The following SLC25A28 variants were observed in gnomAD, a reference collection of about 807,000 sequenced individuals.
The protein encoded by SLC25A28 is solute carrier family 25 member 28, also known as mitoferrin-2.
A neutral mutation model predicts 31.9 loss-of-function variants in SLC25A28; 10 were observed. The ratio of observed to expected loss-of-function variants is 0.31; its 90% CI spans 0.19 to 0.53. The LOEUF (loss-of-function observed/expected upper bound fraction) is 0.53. Among genes scored for constraint, SLC25A28 ranks in the 20% least tolerant of loss-of-function variants. The probability of loss-of-function intolerance (pLI) is 0.95; values close to 1 mark genes in which losing one functional copy is unlikely to be tolerated. For missense variants in SLC25A28, 256 were observed against 490.3 expected, an observed-to-expected ratio of 0.52 and a Z score of 4.51; for synonymous variants, 208 against 203.6, an observed-to-expected ratio of 1.02 and a Z score of -0.19.
chr10:99,646,413 G>A, the SLC25A28 span, among the ~76,000 whole-genome samples: 12 of 152,340 alleles, frequency 7.9e-5, no homozygotes, highest in East Asian at 5.8e-4. Context: ...TTGGAAAAGC[G>A]CAGTATTAGG....
the SLC25A28 span, among the ~76,000 whole-genome samples, chr10:99,643,771 G>A: frequency 6.6e-6 from 1 of 152,076 alleles, no homozygotes; most frequent in Non-Finnish European, 1.5e-5. Flanking sequence ...TTGTGTCTTT[G>A]TTCTCATTGG....
At chr10:99,644,236 G>C in the SLC25A28 span, among the ~76,000 whole-genome samples, 1 of 152,176 alleles carries the variant, frequency 6.6e-6, no homozygotes, top group Non-Finnish European at 1.5e-5. Flanking sequence ...CTTGCTTTAT[G>C]ACTCTGGGTG....
At position 99,613,801 on chromosome 10, in the gene SLC25A28, T is replaced by C; in HGVS notation, c.415A>G (p.Thr139Ala). Residue 139 changes from threonine to alanine, a missense_variant, in exon 2 of 4, where the codon ACA becomes GCA. Physicochemically the swap from Thr to Ala is moderately conservative, Grantham distance 58. This residue lies in a region of SLC25A28 where 158 missense variants were observed against 379.1 expected (regional missense o/e 0.42). Transcript: ENST00000370495. This position sits in a 1 kb window ranked among gnomAD's most constrained non-coding sequence, Gnocchi z 4.9. ...RPMRGLNVTA[T>A]GAGPAHALYF... ...AGGGCGTGGGCAGGCCCTGCGCCTG[T>C]TGCTGTGACGTTCAGCCCCCTCATG... 6.2e-7 allele frequency: 1 copy of C among 1,614,260 alleles called. No individual in the cohort carries two copies. The highest frequency in any genetic ancestry group is 8.5e-7 in the Non-Finnish European group (1 of 1,180,042).
At chr10:99,641,393 G>A in the SLC25A28 span, among the ~76,000 whole-genome samples, 177 of 152,108 alleles carry the variant, frequency 1.2e-3, no homozygotes, top group African/African-American at 3.8e-3. Flanking sequence ...CATATCCTTC[G>A]CCCACTTTTT....
chr10:99,614,367 C>A (rs1372287742), intron 1 of SLC25A28, among the ~76,000 whole-genome samples: 1 of 152,212 alleles, frequency 6.6e-6, no homozygotes, highest in Non-Finnish European at 1.5e-5. Context: ...CATGACCACA[C>A]ACTGAGGGGC....
chr10:99,620,432 G>C lies in SLC25A28; in HGVS notation c.-97C>G. 2 of 1,044,266 alleles carry C rather than the reference G, an allele frequency of 1.9e-6. No homozygotes were observed. The highest frequency in any genetic ancestry group is 2.3e-6 in the Non-Finnish European group (2 of 869,154). The allele number at this position is 1,044,266 out of a possible 1,614,324, so 64.7% of individuals were successfully genotyped here. A position where few individuals can be genotyped will look rare whatever the true frequency, so the allele number is the denominator to read the frequency against. On this transcript the variant is annotated 5_prime_UTR_variant, in exon 1 of 4. Coordinates refer to ENST00000370495, the MANE Select transcript of SLC25A28 (RefSeq NM_031212.4). Reference sequence around the variant, plus strand: ...TAGTGTCCGCCTCAGGCGCGGCCCAGAGAGCCCGGGGCCTCCGGCTCCCGC... The same window carrying C: ...TAGTGTCCGCCTCAGGCGCGGCCCACAGAGCCCGGGGCCTCCGGCTCCCGC...
chr10:99,651,667 T>G, the SLC25A28 span, among the ~76,000 whole-genome samples: 1 of 151,056 alleles, frequency 6.6e-6, no homozygotes, highest in East Asian at 1.9e-4. Context: ...CATAGCTCAC[T>G]GCAGCCTTGA....
At chr10:99,628,547 G>A in the SLC25A28 span, among the ~76,000 whole-genome samples, 5 of 152,218 alleles carry the variant, frequency 3.3e-5, no homozygotes, top group Admixed American at 6.5e-5. Flanking sequence ...ATCATTGGGC[G>A]GTTGCAGTGG....
intron 1 of SLC25A28, among the ~76,000 whole-genome samples, chr10:99,614,676 A>G (rs1331774464): frequency 6.6e-6 from 1 of 152,212 alleles, no homozygotes; most frequent in Non-Finnish European, 1.5e-5. Flanking sequence ...TTGGAATAAA[A>G]GCGTAGGGTA....
At chr10:99,612,421 C>G in intron 3 of SLC25A28, 122 bp downstream of exon 3, 1 of 1,086,808 alleles carries the variant, frequency 9.2e-7, no homozygotes, top group South Asian at 1.4e-5. Flanking sequence ...ATGGAGGGAG[C>G]ACCCTCTAGT....
chr10:99,657,561 G>C, the SLC25A28 span, among the ~76,000 whole-genome samples: 1 of 152,170 alleles, frequency 6.6e-6, no homozygotes, highest in East Asian at 1.9e-4. Flanking sequence ...GTTCAACAAG[G>C]TTAGGAGAGT....
chr10:99,617,455 CCAA>C, intron 1 of SLC25A28: 1 of 985,418 alleles, frequency 1.0e-6, no homozygotes, highest in Non-Finnish European at 1.2e-6. Context: ...CCTTTAGGCT[CCAA>C]CAACATGGAT....
chr10:99,618,012 G>C (rs2034698899), intron 1 of SLC25A28, among the ~76,000 whole-genome samples: 1 of 152,176 alleles, frequency 6.6e-6, no homozygotes, highest in Non-Finnish European at 1.5e-5. Flanking sequence ...CAGTCTCCTT[G>C]CTTTCCAGTC....
chr10:99,634,679 G>C, the SLC25A28 span, among the ~76,000 whole-genome samples: 1 of 152,196 alleles, frequency 6.6e-6, no homozygotes, highest in African/African-American at 2.4e-5. Context: ...AATCAGTGTT[G>C]CTGAGGAAGA....
the SLC25A28 span, among the ~76,000 whole-genome samples, chr10:99,631,878 A>ATTTTTTTTTTTTTTTTTTTTTTT: frequency 1.1e-5 from 1 of 92,904 alleles, no homozygotes. Flanking sequence ...TCAGTATGTT[A>ATTTTTTTTTTTTTTTTTTTTTTT]TTTTTTTTTT....
intron 1 of SLC25A28, 132 bp from the exon 2 acceptor site, chr10:99,614,056 C>G: frequency 9.2e-7 from 1 of 1,084,818 alleles, no homozygotes; most frequent in East Asian, 2.6e-5. Context: ...AGCTTATTTC[C>G]AATCTATAGC....
Position 99,611,362 on chromosome 10 carries a change from G to T in SLC25A28, c.582C>A (p.Val194=). 6.2e-7 allele frequency: 1 copy of T among 1,613,836 alleles called. No homozygotes were observed. The highest frequency in any genetic ancestry group is 1.1e-5 in the South Asian group (1 of 91,014). Residue 194 remains valine, a synonymous_variant, in exon 4 of 4, where the codon GTC becomes GTA. Transcript: ENST00000370495. This position sits in a 1 kb window ranked among gnomAD's most constrained non-coding sequence, Gnocchi z 5.5. ...AGTTGTACATCTGCATCCTCTGCTT[G>T]ACCACTAGTAGTGCCATCAACGAGG... The part of the protein sequence containing the change: ...HDAAMNPAEV[V]KQRMQMYNSP...
chr10:99,619,773 G>A (rs1189593628), intron 1 of SLC25A28, among the ~76,000 whole-genome samples: 2 of 152,242 alleles, frequency 1.3e-5, no homozygotes, highest in Non-Finnish European at 2.9e-5. Flanking sequence ...TTTAGTCCCA[G>A]GTGGGGTCCA....
upstream of SLC25A28, among the ~76,000 whole-genome samples, chr10:99,624,222 TTTC>T (rs1390464297): frequency 6.8e-6 from 1 of 146,768 alleles, no homozygotes; most frequent in African/African-American, 2.5e-5. Context: ...TTTCTTTTTC[TTTC>T]TTCTTTCTTT....
Sources: gnomAD v4.1 joint callset for allele counts (sites outside exome capture counted in the v4.1 genomes callset) on GRCh38, gnomAD v4.1.1 for gene constraint, gnomAD v4.1.1 regional missense constraint, Gnocchi (gnomAD v3.1) non-coding constraint, MANE v1.5 for transcripts, NCBI Gene and HGNC (gene_info 2026-07-23, HGNC 2026-07-21) for gene names.